MFHAS1: variants seen among roughly 807,000 people sequenced by gnomAD.
MFHAS1 encodes multifunctional ROCO family signaling regulator 1.
Under a neutral mutation model 70.4 loss-of-function variants are expected in MFHAS1, and 50 were observed. That is an observed-to-expected ratio of 0.71 (90% CI 0.57 to 0.90). The LOEUF (loss-of-function observed/expected upper bound fraction) is 0.90, where lower values mean the gene tolerates loss of function less well. Ranked by LOEUF, MFHAS1 falls within the 40% of genes least tolerant of loss-of-function variation. The pLI is 0.00. For missense variants in MFHAS1, 1,795 were observed against 1,347.6 expected, an observed-to-expected ratio of 1.33 and a Z score of -5.20; for synonymous variants, 952 against 620.0, an observed-to-expected ratio of 1.54 and a Z score of -7.96.
intron 1 of MFHAS1, among the ~76,000 whole-genome samples, chr8:8,887,745 G>C (rs1304595966): frequency 6.6e-6 from 1 of 150,820 alleles, no homozygotes; most frequent in Non-Finnish European, 1.5e-5. Context: ...TCATTTGAAA[G>C]GCAAATAGAC....
intron 1 of MFHAS1, among the ~76,000 whole-genome samples, chr8:8,858,275 C>A (rs1248391165): frequency 6.6e-6 from 1 of 152,174 alleles, no homozygotes; most frequent in Non-Finnish European, 1.5e-5. Flanking sequence ...TCAGTCCTTA[C>A]AAGAGCTGTA....
intron 1 of MFHAS1, among the ~76,000 whole-genome samples, chr8:8,811,312 A>AAT (rs577326661): frequency 7.4e-5 from 11 of 148,132 alleles, no homozygotes; most frequent in African/African-American, 2.7e-4. Context: ...CAGAATAAAA[A>AAT]TTTTTTTTTT....
intron 1 of MFHAS1, among the ~76,000 whole-genome samples, chr8:8,840,674 C>A (rs1242489286): frequency 1.3e-5 from 2 of 152,148 alleles, no homozygotes; most frequent in African/African-American, 4.8e-5. Flanking sequence ...ACTTCTTCAA[C>A]ATTCCTTTAG....
chr8:8,892,720 G>T lies in MFHAS1; in HGVS notation c.339C>A (p.Leu113=). Residue 113 remains leucine (L), a synonymous_variant, in exon 1 of 3, where the codon CTC becomes CTA. Transcript: ENST00000276282. This position sits in a 1 kb window ranked among gnomAD's most constrained non-coding sequence, Gnocchi z 4.7. The part of the protein sequence containing the change: ...PPAVAELGHH[L]TELDVSHNRL... ...GGTTGTGGCTCACGTCCAGCTCGGT[G>T]AGGTGGTGGCCGAGCTCGGCCACCG... 6.3e-7 allele frequency: 1 copy of T among 1,579,284 alleles called. No individual in the cohort carries two copies. The highest frequency in any genetic ancestry group is 8.6e-7 in the Non-Finnish European group (1 of 1,163,646).
intron 1 of MFHAS1, among the ~76,000 whole-genome samples, chr8:8,821,501 G>C (rs1028548898): frequency 1.3e-5 from 2 of 152,162 alleles, no homozygotes; most frequent in Non-Finnish European, 1.5e-5. Context: ...AATGCCACAG[G>C]TTATGAAAAT....
chr8:8,886,794 C>T (rs1405329896), intron 1 of MFHAS1, among the ~76,000 whole-genome samples: 4 of 152,008 alleles, frequency 2.6e-5, no homozygotes, highest in Non-Finnish European at 4.4e-5. Context: ...TAAAAGTAAA[C>T]AATTTTTAAT....
intron 1 of MFHAS1, among the ~76,000 whole-genome samples, chr8:8,858,570 G>T (rs1026590751): frequency 1.3e-5 from 2 of 152,154 alleles, no homozygotes; most frequent in East Asian, 3.9e-4. Flanking sequence ...TATGCCTTTT[G>T]GGGGATACTC....
chr8:8,792,722 C>A (rs1183589750), intron 2 of MFHAS1, among the ~76,000 whole-genome samples: 1 of 152,134 alleles, frequency 6.6e-6, no homozygotes, highest in African/African-American at 2.4e-5. Flanking sequence ...GGTGAAGGAA[C>A]GTTCTAAAAT....
chr8:8,888,836 T>G (rs1272696255), intron 1 of MFHAS1, among the ~76,000 whole-genome samples: 1 of 152,124 alleles, frequency 6.6e-6, no homozygotes, highest in Non-Finnish European at 1.5e-5. Flanking sequence ...AAACCCTGTG[T>G]AAACTATGAC....
At chr8:8,835,747 T>C (rs558094486) in intron 1 of MFHAS1, among the ~76,000 whole-genome samples, 1 of 152,258 alleles carries the variant, frequency 6.6e-6, no homozygotes, top group Non-Finnish European at 1.5e-5. Context: ...TTATACTACG[T>C]AGAAGAGTCA....
intron 1 of MFHAS1, among the ~76,000 whole-genome samples, chr8:8,826,628 G>C (rs1807173640): frequency 1.3e-5 from 2 of 152,190 alleles, no homozygotes; most frequent in African/African-American, 4.8e-5. Context: ...AGCTACTCGG[G>C]AGGCTGAGGC....
At chr8:8,793,791 C>T (rs542925734) in intron 2 of MFHAS1, among the ~76,000 whole-genome samples, 7 of 152,348 alleles carry the variant, frequency 4.6e-5, no homozygotes, top group Middle Eastern at 3.4e-3. Context: ...ATCAGAAAGT[C>T]GTGTACACAC....
chr8:8,819,555 G>C (rs901809285), intron 1 of MFHAS1, among the ~76,000 whole-genome samples: 2 of 138,870 alleles, frequency 1.4e-5, no homozygotes, highest in African/African-American at 5.4e-5. Context: ...AGTGAGCCAA[G>C]ATCACGCCAC....
intron 1 of MFHAS1, among the ~76,000 whole-genome samples, chr8:8,860,857 T>C (rs972521986): frequency 1.3e-4 from 20 of 152,222 alleles, no homozygotes; most frequent in African/African-American, 4.6e-4. Flanking sequence ...CTCGTTTCCA[T>C]TTCTTCTGGG....
At position 8,785,168 on chromosome 8, in the gene MFHAS1, T is replaced by C. The variant is rs1486563203; in HGVS notation, c.*854A>G. 6.6e-6 allele frequency: 1 copy of C among 152,232 alleles called. No individual in the cohort carries two copies. The highest frequency in any genetic ancestry group is 2.4e-5 in the African/African-American group (1 of 41,454). 9.4% of individuals were successfully genotyped at this position (152,232 alleles called of 1,614,324 possible). On this transcript the variant is annotated 3_prime_UTR_variant, in exon 3 of 3. Transcript: ENST00000276282. ...AAGACTCAAGTTTTGCATGGACTTT[T>C]TGTCCTCTTTGGCCCCTGAGTGTGC...
At chr8:8,855,781 G>C (rs926116914) in intron 1 of MFHAS1, among the ~76,000 whole-genome samples, 1 of 152,148 alleles carries the variant, frequency 6.6e-6, no homozygotes, top group African/African-American at 2.4e-5. Flanking sequence ...ACTTGAACCT[G>C]GGAGGCTGAG....
At chr8:8,847,696 C>A (rs762622795) in intron 1 of MFHAS1, among the ~76,000 whole-genome samples, 3 of 152,158 alleles carry the variant, frequency 2.0e-5, no homozygotes, top group Non-Finnish European at 4.4e-5. Flanking sequence ...GCAGTAAATT[C>A]CCTGCACACT....
At position 8,820,013 on chromosome 8, in the gene MFHAS1, T is replaced by A. The variant is rs568034318; in HGVS notation, c.2999-22522A>T. Among the ~76,000 whole-genome samples the A allele has an allele frequency of 3.3e-5, 5 of 152,326 alleles. No individual in the cohort carries two copies. In the South Asian group the frequency reaches 1.0e-3, roughly 32 times the overall value. On this transcript the variant is annotated intron_variant, in intron 1 of 2. Coordinates refer to ENST00000276282, the MANE Select transcript of MFHAS1 (RefSeq NM_004225.3). ...ACACCCAGTCTATACAGACTATCTA[T>A]GAAACACAAAACTTAAAATAAACAA...
chr8:8,847,596 A>G (rs1808083411), intron 1 of MFHAS1, among the ~76,000 whole-genome samples: 1 of 152,222 alleles, frequency 6.6e-6, no homozygotes, highest in Non-Finnish European at 1.5e-5. Context: ...GTGGTTATAT[A>G]CTAAGAAATA....
Sources: gnomAD v4.1 joint callset for allele counts (sites outside exome capture counted in the v4.1 genomes callset) on GRCh38, gnomAD v4.1.1 for gene constraint, Gnocchi (gnomAD v3.1) non-coding constraint, MANE v1.5 for transcripts, NCBI Gene and HGNC (gene_info 2026-07-23, HGNC 2026-07-21) for gene names.